The following DLGAP2 variants were observed in gnomAD, a reference collection of about 807,000 sequenced individuals.
DLGAP2 encodes the protein DLG associated protein 2.
In DLGAP2, 26 loss-of-function variants were observed where a neutral mutation model predicts 100.3. The ratio of observed to expected loss-of-function variants is 0.26; its 90% CI spans 0.19 to 0.36. The LOEUF (loss-of-function observed/expected upper bound fraction) is 0.36. Ranked by LOEUF, DLGAP2 falls within the 10% of genes least tolerant of loss-of-function variation. The pLI, the probability that DLGAP2 is intolerant of heterozygous loss-of-function variation, is 1.00. For missense variants in DLGAP2, 1,858 were observed against 1,453.2 expected, an observed-to-expected ratio of 1.28 and a Z score of -4.53; for synonymous variants, 886 against 630.1, an observed-to-expected ratio of 1.41 and a Z score of -6.08.
intron 3 of DLGAP2, among the ~76,000 whole-genome samples, chr8:1,311,628 AAATT>A (rs1278788429): frequency 1.3e-5 from 2 of 152,202 alleles, no homozygotes; most frequent in East Asian, 3.8e-4. Context: ...CAGTTTAAGA[AAATT>A]AATTAACACT....
chr8:1,362,109 C>T (rs961567942), intron 3 of DLGAP2, among the ~76,000 whole-genome samples: 2 of 100 alleles, frequency 0.02, no homozygotes, highest in Admixed American at 0.12. Context: ...GGGGAGTTAG[C>T]GTACTTCAAA....
intron 2 of DLGAP2, among the ~76,000 whole-genome samples, chr8:963,496 T>A (rs1051603672): frequency 1.3e-5 from 2 of 152,226 alleles, no homozygotes; most frequent in Admixed American, 1.3e-4. Flanking sequence ...ATATAACTTT[T>A]ATGTATGTAA....
intron 3 of DLGAP2, among the ~76,000 whole-genome samples, chr8:1,272,837 C>T (rs1409257638): frequency 6.6e-6 from 1 of 152,154 alleles, no homozygotes; most frequent in Non-Finnish European, 1.5e-5. Context: ...GTCCCTGTCA[C>T]TGTTGTAAAC....
At chr8:1,225,807 T>C (rs1288371594) in intron 2 of DLGAP2, among the ~76,000 whole-genome samples, 5 of 152,206 alleles carry the variant, frequency 3.3e-5, no homozygotes, top group African/African-American at 1.2e-4. Context: ...CAGTTTATAA[T>C]ATATTGTATA....
chr8:1,351,617 A>C (rs1801727378), intron 3 of DLGAP2, among the ~76,000 whole-genome samples: 2 of 55,434 alleles, frequency 3.6e-5, no homozygotes, highest in Non-Finnish European at 7.3e-5. Flanking sequence ...TGGCGTGGAA[A>C]GGCCGTGCGG....
chr8:948,146 C>T (rs1044808781), intron 2 of DLGAP2, among the ~76,000 whole-genome samples: 2 of 152,258 alleles, frequency 1.3e-5, no homozygotes, highest in African/African-American at 4.8e-5. Flanking sequence ...TGATCTGCTG[C>T]CCAGCTGTGG....
At chr8:1,210,725 A>G (rs554773311) in intron 2 of DLGAP2, among the ~76,000 whole-genome samples, 4 of 136,760 alleles carry the variant, frequency 2.9e-5, no homozygotes, top group African/African-American at 1.1e-4. Context: ...CTGACCCCCC[A>G]CCCCCGGCCC....
At chr8:1,286,806 C>A (rs538745569) in intron 3 of DLGAP2, among the ~76,000 whole-genome samples, 1 of 152,216 alleles carries the variant, frequency 6.6e-6, no homozygotes, top group Non-Finnish European at 1.5e-5. Flanking sequence ...CAACTCAACT[C>A]CTGTGGAAGG....
intron 3 of DLGAP2, among the ~76,000 whole-genome samples, chr8:1,262,967 A>G (rs1023893487): frequency 2.6e-5 from 4 of 152,184 alleles, no homozygotes; most frequent in Non-Finnish European, 5.9e-5. Context: ...ATGTGGGAAG[A>G]CAGATAATGA....
intron 3 of DLGAP2, among the ~76,000 whole-genome samples, chr8:1,323,745 C>T (rs1289253316): frequency 1.3e-5 from 2 of 152,192 alleles, no homozygotes; most frequent in African/African-American, 2.4e-5. Context: ...AATGACTGGT[C>T]GCTGCCTGTG....
intron 3 of DLGAP2, among the ~76,000 whole-genome samples, chr8:1,275,880 AATAAATATATAATAT>A (rs1407934057): frequency 3.0e-5 from 2 of 67,234 alleles, no homozygotes; most frequent in Non-Finnish European, 6.4e-5. Flanking sequence ...ATAATATATA[AATAAATATATAATAT>A]ATAAATATAT....
rs960595552 is a variant in DLGAP2 at position 1,291,000 on chromosome 8, A to C, written c.106+32117A>C. On this transcript the variant is annotated intron_variant, in intron 3 of 14. Coordinates refer to ENST00000637795, the MANE Select transcript of DLGAP2 (RefSeq NM_001346810.2). ...ACTTTTTCTAGTAGACCAGCCCTAC[A>C]AGTAATACTAAAAGGAGTTCTAAAG... Among the ~76,000 whole-genome samples the C allele has an allele frequency of 7.2e-5, 11 of 152,188 alleles. No individual in the cohort carries two copies. In the South Asian group the frequency reaches 2.3e-3, roughly 32 times the overall value.
At chr8:1,556,818 C>CA (rs1274196805) in intron 5 of DLGAP2, among the ~76,000 whole-genome samples, 2 of 152,210 alleles carry the variant, frequency 1.3e-5, no homozygotes, top group East Asian at 3.8e-4. Flanking sequence ...ACTTCCCACC[C>CA]AAGCTAAATT....
chr8:1,007,048 C>A (rs1013546361), intron 2 of DLGAP2, among the ~76,000 whole-genome samples: 3 of 150,652 alleles, frequency 2.0e-5, no homozygotes, highest in Non-Finnish European at 4.4e-5. Flanking sequence ...TCCTTTATCA[C>A]GTTGGGGACA....
chr8:810,487 G>C (rs559972412), intron 1 of DLGAP2, among the ~76,000 whole-genome samples: 4 of 152,286 alleles, frequency 2.6e-5, no homozygotes, highest in African/African-American at 9.6e-5. Context: ...AAAGCTGTTT[G>C]CCACCTATTG....
intron 6 of DLGAP2, among the ~76,000 whole-genome samples, chr8:1,571,788 C>T (rs1249127906): frequency 2.4e-5 from 1 of 42,318 alleles, no homozygotes; most frequent in African/African-American, 1.1e-4. Flanking sequence ...GGAGAGGAGA[C>T]GGGGTGAACT....
rs143242721 is a variant in DLGAP2, at chr8:1,530,886, C to G, written c.173-17740C>G. On this transcript the variant is annotated intron_variant, in intron 4 of 14. Transcript: ENST00000637795. ...ACTTGGGGTCAGAAGAGACTGTTTC[C>G]TATGTGTGAATATCAGCCAGTGGTG... Among the ~76,000 whole-genome samples, 254 of 152,256 alleles carry G rather than the reference C, an allele frequency of 1.7e-3. 3 individuals are homozygous for G. The highest frequency in any genetic ancestry group is 0.013 in the East Asian group (65 of 5,182).
chr8:1,640,612 C>T (rs1458681319), intron 8 of DLGAP2, among the ~76,000 whole-genome samples: 1 of 152,112 alleles, frequency 6.6e-6, no homozygotes, highest in Admixed American at 6.5e-5. Context: ...ATGTTGCAAA[C>T]TAAAGCCCAG....
chr8:836,242 C>T (rs555662834), intron 1 of DLGAP2, among the ~76,000 whole-genome samples: 4 of 152,302 alleles, frequency 2.6e-5, no homozygotes, highest in South Asian at 4.1e-4. Flanking sequence ...TCCAGTGCCC[C>T]GCAAGGCTCG....
Sources: gnomAD v4.1 joint callset for allele counts (sites outside exome capture counted in the v4.1 genomes callset) on GRCh38, gnomAD v4.1.1 for gene constraint, MANE v1.5 for transcripts, NCBI Gene and HGNC (gene_info 2026-07-23, HGNC 2026-07-21) for gene names.